The following CRLS1 variants were observed in gnomAD, a reference collection of about 807,000 sequenced individuals.
CRLS1 encodes cardiolipin synthase 1, also known as cardiolipin synthase (CMP-forming).
Under a neutral mutation model 37.0 loss-of-function variants are expected in CRLS1, and 24 were observed. The observed-to-expected ratio is 0.65, with a 90% CI of 0.47 to 0.91. CRLS1 has a LOEUF of 0.91. CRLS1 is among the 40% of genes least tolerant of loss of function. The pLI is 0.00. For synonymous variants in CRLS1, 135 were observed against 159.7 expected, an observed-to-expected ratio of 0.85 and a Z score of 1.17; for missense variants, 373 against 395.8, an observed-to-expected ratio of 0.94 and a Z score of 0.49.
chr20:6,015,602 C>A (rs760815607), intron 3 of CRLS1, 112 bp downstream of exon 3: 70 of 1,052,606 alleles, frequency 6.7e-5, no homozygotes, highest in Non-Finnish European at 9.3e-5. Flanking sequence ...TAGTTTTCAA[C>A]TTTAAACTGT....
At chr20:6,020,841 C>G (rs1327496855) in intron 3 of CRLS1, among the ~76,000 whole-genome samples, 1 of 149,140 alleles carries the variant, frequency 6.7e-6, no homozygotes, top group Non-Finnish European at 1.5e-5. Flanking sequence ...ACTGTGTTAG[C>G]CAGGATGGTC....
rs894209329 is a variant in CRLS1, at chr20:6,006,546, C to T, written c.300C>T (p.Pro100=). ...PGGQWGPAST[P]SLYENPWTIP... ...GCCAGTGGGGCCCGGCGAGCACCCCCAGCCTGGTACGTACCGATGAGGCGG... is the reference window on the plus strand; with the variant it reads ...GCCAGTGGGGCCCGGCGAGCACCCCTAGCCTGGTACGTACCGATGAGGCGG... Residue 100 remains proline, a synonymous_variant, in exon 1 of 7, where the codon CCC becomes CCT. Transcript: ENST00000378863. The T allele has an allele frequency of 3.1e-6, 4 of 1,303,230 alleles. No homozygotes were observed. The highest frequency in any genetic ancestry group is 1.6e-5 in the African/African-American group (1 of 64,116). 80.7% of individuals were successfully genotyped at this position (1,303,230 alleles called of 1,614,324 possible). A position where few individuals can be genotyped will look rare whatever the true frequency, so the allele number is the denominator to read the frequency against.
intron 3 of CRLS1, among the ~76,000 whole-genome samples, chr20:6,022,633 C>T (rs944179493): frequency 4.6e-5 from 7 of 152,102 alleles, no homozygotes; most frequent in African/African-American, 7.2e-5. Context: ...CCACTGCACC[C>T]GGCCATGTTG....
chr20:6,009,748 T>C (rs767290008), intron 1 of CRLS1, 27 bp from the exon 2 acceptor site: 2 of 1,592,220 alleles, frequency 1.3e-6, no homozygotes, highest in Admixed American at 1.7e-5. Flanking sequence ...AGTATTTTAC[T>C]TAAATTTTGT....
chr20:6,006,864 A>AT, intron 1 of CRLS1: 1 of 970,072 alleles, frequency 1.0e-6, no homozygotes, highest in Non-Finnish European at 1.2e-6. Flanking sequence ...CTAAAAGCCT[A>AT]TTTTTAATTC....
chr20:6,012,004 C>T (rs987642386), intron 2 of CRLS1, among the ~76,000 whole-genome samples: 1 of 149,678 alleles, frequency 6.7e-6, no homozygotes, highest in African/African-American at 2.5e-5. Context: ...TTTTCAGTTA[C>T]TGTAGTCTCC....
chr20:6,006,070 C>T (rs1001600414), upstream of CRLS1: 1 of 377,292 alleles, frequency 2.7e-6, no homozygotes, highest in Non-Finnish European at 4.6e-6. Context: ...GGCGTCCGCC[C>T]TTGGCGGCTT....
At chr20:6,027,879 T>C (rs1979848996) in intron 3 of CRLS1, among the ~76,000 whole-genome samples, 1 of 152,232 alleles carries the variant, frequency 6.6e-6, no homozygotes, top group South Asian at 2.1e-4. Context: ...CTAACTGCTC[T>C]TTATATGGAC....
chr20:6,032,251 T>G (rs1457960508), intron 5 of CRLS1, among the ~76,000 whole-genome samples, 171 bp downstream of exon 5: 1 of 152,226 alleles, frequency 6.6e-6, no homozygotes, highest in Non-Finnish European at 1.5e-5. Context: ...CTCCGTGTTT[T>G]TTGGATCATC....
At position 6,024,681 on chromosome 20, in the gene CRLS1, G is replaced by A. The variant is rs61514077; in HGVS notation, c.575-6604G>A. The stretch of plus-strand genomic sequence containing the variant: ...AAAGCTGAGAGAGGCTGAAAGCTAG[G>A]CCGGTTGTGCCAAATAGCTAGCCAA... On this transcript the variant is annotated intron_variant, in intron 3 of 6. Coordinates refer to ENST00000378863, the MANE Select transcript of CRLS1 (RefSeq NM_019095.6). Among the ~76,000 whole-genome samples, 881 of 152,320 alleles carry A rather than the reference G, an allele frequency of 5.8e-3. 10 individuals carry two copies. Among genetic ancestry groups the A allele is most frequent in the African/African-American group, 0.02 (812 of 41,578 alleles).
intron 3 of CRLS1, among the ~76,000 whole-genome samples, chr20:6,021,030 G>A (rs16991661): frequency 0.021 from 3,059 of 149,008 alleles, 108 homozygotes; most frequent in African/African-American, 0.071. Flanking sequence ...TGGTTCTCCA[G>A]TATTTGTCTC....
intron 1 of CRLS1, among the ~76,000 whole-genome samples, chr20:6,008,107 T>TA (rs1380247755): frequency 7.0e-6 from 1 of 143,744 alleles, no homozygotes; most frequent in East Asian, 2.0e-4. Flanking sequence ...TTTTTTTTTT[T>TA]TACAGGATAG....
At chr20:6,027,817 A>C (rs566390671) in intron 3 of CRLS1, among the ~76,000 whole-genome samples, 3 of 152,360 alleles carry the variant, frequency 2.0e-5, no homozygotes, top group African/African-American at 7.2e-5. Flanking sequence ...GCTTAGCCAC[A>C]GGGAGCCACA....
At chr20:6,024,717 C>T (rs549036146) in intron 3 of CRLS1, among the ~76,000 whole-genome samples, 2 of 152,266 alleles carry the variant, frequency 1.3e-5, no homozygotes, top group South Asian at 4.1e-4. Flanking sequence ...GTTGTGAATG[C>T]ATAGGAAAAG....
At chr20:6,017,720 G>T (rs1349934609) in intron 3 of CRLS1, among the ~76,000 whole-genome samples, 1 of 152,142 alleles carries the variant, frequency 6.6e-6, no homozygotes, top group East Asian at 1.9e-4. Flanking sequence ...TTTTGATTGG[G>T]ATTGCAATGA....
intron 3 of CRLS1, chr20:6,028,786 T>C (rs1037028592): frequency 1.3e-5 from 2 of 152,238 alleles, no homozygotes; most frequent in Non-Finnish European, 2.9e-5. Context: ...TCATTGCAAA[T>C]ATTACCCATG....
Position 6,039,123 on chromosome 20 carries a change from A to AT in CRLS1, c.*1968dup, listed in dbSNP as rs555824869. 2 of 152,338 alleles carry AT rather than the reference A, an allele frequency of 1.3e-5. No individual in the cohort carries two copies. The highest frequency in any genetic ancestry group is 2.1e-4 in the South Asian group (1 of 4,832). 9.4% of individuals were successfully genotyped at this position (152,338 alleles called of 1,614,324 possible). A position where few individuals can be genotyped will look rare whatever the true frequency, so the allele number is the denominator to read the frequency against. On this transcript the variant is annotated 3_prime_UTR_variant, in exon 7 of 7. Coordinates refer to ENST00000378863, the MANE Select transcript of CRLS1 (RefSeq NM_019095.6). ...TGTCATTTAATTACATGTCTGAGGA[A>AT]TTTATGCTAACTAGATTTTGGGCTT...
intron 3 of CRLS1, among the ~76,000 whole-genome samples, chr20:6,019,356 T>G (rs1057255800): frequency 6.6e-6 from 1 of 152,178 alleles, no homozygotes; most frequent in Admixed American, 6.5e-5. Flanking sequence ...CATACGGTGT[T>G]TATGGTATCC....
chr20:6,033,535 T>C (rs1442797451), intron 5 of CRLS1, among the ~76,000 whole-genome samples: 1 of 152,258 alleles, frequency 6.6e-6, no homozygotes, highest in Admixed American at 6.5e-5. Context: ...TTTCATACTT[T>C]GCAGACTCTT....
Sources: allele counts gnomAD v4.1 joint callset (sites outside exome capture counted in the v4.1 genomes callset), GRCh38; gene constraint gnomAD v4.1.1; transcripts MANE v1.5; gene names NCBI Gene and HGNC (gene_info 2026-07-23, HGNC 2026-07-21).